Variants in ESRRG observed in about 807,000 individuals in gnomAD.
The protein encoded by ESRRG is estrogen related receptor gamma.
In ESRRG, 13 loss-of-function variants were observed where a neutral mutation model predicts 44.0. That is an observed-to-expected ratio of 0.30 (90% confidence interval 0.19 to 0.47). The LOEUF (loss-of-function observed/expected upper bound fraction) is 0.47, where lower values mean the gene tolerates loss of function less well. Among genes scored for constraint, ESRRG ranks in the 20% least tolerant of loss-of-function variants. The pLI, the probability that ESRRG is intolerant of heterozygous loss-of-function variation, is 1.00. For missense variants in ESRRG, 395 were observed against 580.6 expected (o/e 0.68, Z 3.29); for synonymous variants, 215 against 214.6 (o/e 1.00, Z -0.02).
At chr1:216,512,937 G>C (rs2148812629) in intron 6 of ESRRG, among the ~76,000 whole-genome samples, 1 of 152,242 alleles carries the variant, frequency 6.6e-6, no homozygotes, top group East Asian at 1.9e-4. Context: ...AGGGTGCTCA[G>C]CACCAAGGAA....
intron 2 of ESRRG, among the ~76,000 whole-genome samples, chr1:216,837,200 G>C (rs754725590): frequency 6.6e-6 from 1 of 151,914 alleles, no homozygotes; most frequent in South Asian, 2.1e-4. Flanking sequence ...ACGAGGTCAG[G>C]AGATCGAGAC....
chr1:217,004,339 A>G (rs929037622), intron 1 of ESRRG, among the ~76,000 whole-genome samples: 1 of 152,074 alleles, frequency 6.6e-6, no homozygotes, highest in African/African-American at 2.4e-5. Flanking sequence ...AATCATGGGG[A>G]TGGTTTCCCC....
At chr1:216,890,213 C>T (rs1258993604) in intron 2 of ESRRG, among the ~76,000 whole-genome samples, 1 of 152,014 alleles carries the variant, frequency 6.6e-6, no homozygotes, top group African/African-American at 2.4e-5. Flanking sequence ...TACAATCAGC[C>T]ATGATAGCAC....
chr1:216,901,167 A>C (rs768638709), intron 2 of ESRRG, among the ~76,000 whole-genome samples: 2 of 151,456 alleles, frequency 1.3e-5, no homozygotes, highest in Non-Finnish European at 2.9e-5. Context: ...TGTTGTGTGC[A>C]TGGGGGGTGG....
At chr1:216,983,512 G>A (rs1474221631) in intron 1 of ESRRG, among the ~76,000 whole-genome samples, 1 of 152,086 alleles carries the variant, frequency 6.6e-6, no homozygotes, top group Non-Finnish European at 1.5e-5. Flanking sequence ...GATTACAAAC[G>A]TGATGTACTG....
intron 1 of ESRRG, among the ~76,000 whole-genome samples, chr1:217,088,294 C>T (rs1203733359): frequency 6.6e-6 from 1 of 151,110 alleles, no homozygotes; most frequent in East Asian, 2.0e-4. Context: ...GTCTCTTGAT[C>T]TTGACTTAAA....
intron 1 of ESRRG, among the ~76,000 whole-genome samples, chr1:217,121,400 A>T (rs573227033): frequency 6.6e-6 from 1 of 152,204 alleles, no homozygotes; most frequent in East Asian, 1.9e-4. Context: ...TGATGATCAG[A>T]TTTGCATTTT....
At chr1:216,628,523 T>C (rs1465474881) in intron 3 of ESRRG, among the ~76,000 whole-genome samples, 1 of 152,136 alleles carries the variant, frequency 6.6e-6, no homozygotes, top group Non-Finnish European at 1.5e-5. Flanking sequence ...ATGGGGCCAA[T>C]TATTATCATC....
At chr1:216,831,522 G>C (rs748904625) in intron 2 of ESRRG, among the ~76,000 whole-genome samples, 3 of 149,104 alleles carry the variant, frequency 2.0e-5, no homozygotes, top group Non-Finnish European at 4.5e-5. Context: ...GAGAGAAAGA[G>C]GCAGGGGGAG....
intron 1 of ESRRG, among the ~76,000 whole-genome samples, chr1:217,056,222 G>A (rs933611428): frequency 1.3e-5 from 2 of 152,124 alleles, no homozygotes; most frequent in Non-Finnish European, 2.9e-5. Context: ...ATCCATGTTA[G>A]ACTGTGGCGT....
At chr1:216,961,851 A>C (rs2150183743) in intron 1 of ESRRG, among the ~76,000 whole-genome samples, 1 of 152,272 alleles carries the variant, frequency 6.6e-6, no homozygotes, top group African/African-American at 2.4e-5. Context: ...GCTATTGAAA[A>C]CCATTTGGCT....
intron 1 of ESRRG, among the ~76,000 whole-genome samples, chr1:216,685,688 C>T (rs1398192301): frequency 6.6e-6 from 1 of 152,206 alleles, no homozygotes. Context: ...TCAATGAAAG[C>T]TCAGGCTTCC....
intron 2 of ESRRG, among the ~76,000 whole-genome samples, chr1:216,886,536 C>T (rs891094892): frequency 2.6e-5 from 4 of 152,214 alleles, no homozygotes; most frequent in Non-Finnish European, 4.4e-5. Context: ...ATACCAACAT[C>T]ATAATCCATG....
intron 3 of ESRRG, among the ~76,000 whole-genome samples, chr1:216,636,509 C>G (rs1238646723): frequency 2.0e-5 from 3 of 152,258 alleles, no homozygotes; most frequent in African/African-American, 7.2e-5. Context: ...CAACTAACCT[C>G]TGCTTCTCTG....
intron 2 of ESRRG, among the ~76,000 whole-genome samples, chr1:216,918,930 T>C (rs1290224760): frequency 2.0e-5 from 3 of 150,734 alleles, no homozygotes; most frequent in Non-Finnish European, 4.4e-5. Flanking sequence ...AAAATGAGGA[T>C]AATGATGCTT....
chr1:216,787,240 G>GTC (rs1443037186), intron 2 of ESRRG, among the ~76,000 whole-genome samples: 2 of 151,480 alleles, frequency 1.3e-5, no homozygotes, highest in African/African-American at 4.8e-5. Context: ...CCATTCTCTG[G>GTC]TCTCTCTCTC....
At chr1:216,764,633 G>A (rs1407385883) in intron 2 of ESRRG, among the ~76,000 whole-genome samples, 1 of 151,980 alleles carries the variant, frequency 6.6e-6, no homozygotes, top group Non-Finnish European at 1.5e-5. Context: ...AAGTAGATGG[G>A]ACTATAGGTG....
chr1:216,993,603 C>T (rs1010975163), intron 1 of ESRRG, among the ~76,000 whole-genome samples: 1 of 152,088 alleles, frequency 6.6e-6, no homozygotes, highest in African/African-American at 2.4e-5. Flanking sequence ...TGAACTCACC[C>T]GGAGATGATG....
intron 3 of ESRRG, among the ~76,000 whole-genome samples, chr1:216,609,884 T>C (rs768189959): frequency 1.3e-5 from 2 of 152,224 alleles, no homozygotes; most frequent in Non-Finnish European, 2.9e-5. Context: ...GCTGTCAGCT[T>C]GTATTTTGCA....
Sources: gnomAD v4.1 joint callset for allele counts (sites outside exome capture counted in the v4.1 genomes callset) on GRCh38, gnomAD v4.1.1 for gene constraint, MANE v1.5 for transcripts, NCBI Gene and HGNC (gene_info 2026-07-23, HGNC 2026-07-21) for gene names.